BICRAL: variants seen among roughly 807,000 people sequenced by gnomAD.
BICRAL encodes BICRA like chromatin remodeling complex associated protein.
In BICRAL, 8 loss-of-function variants were observed where a neutral mutation model predicts 91.8. That is an observed-to-expected ratio of 0.09 (90% confidence interval 0.05 to 0.16). The LOEUF is 0.16. BICRAL is among the 10% of genes least tolerant of loss of function. The pLI, the probability that BICRAL is intolerant of heterozygous loss-of-function variation, is 1.00. For synonymous variants in BICRAL, 445 were observed against 491.1 expected (o/e 0.91, Z 1.24); for missense variants, 1,038 against 1,310.9 (o/e 0.79, Z 3.21).
At chr6:42,814,530 T>A (rs1424439846) in intron 2 of BICRAL, among the ~76,000 whole-genome samples, 276 of 136,422 alleles carry the variant, frequency 2.0e-3, no homozygotes, top group African/African-American at 5.0e-3. Context: ...TTTTTTTTTT[T>A]TTTTTTTTTT....
chr6:42,828,868 A>G lies in BICRAL; in HGVS notation c.535A>G (p.Ser179Gly). ...TGTGCCTGTTGGAGCATCGTTTGCA[A>G]GCAATACAGTGGGTGTACAACATGG... ...THVPVGASFA[S>G]NTVGVQHGFM... The change falls in exon 6 of 13, where the codon AGC (serine) becomes GGC (glycine). Residue 179 changes from serine (S) to glycine (G), a missense_variant. By Grantham distance (56) the Ser-to-Gly change is moderately conservative. Around this residue, in one of 5 missense-constraint regions of BICRAL, gnomAD observed 532 missense variants for 724.9 expected, o/e 0.73. Transcript: ENST00000314073. 6.2e-7 allele frequency: 1 copy of G among 1,614,230 alleles called. No individual in the cohort carries two copies. Among genetic ancestry groups the G allele is most frequent in the Non-Finnish European group, 8.5e-7 (1 of 1,180,046 alleles).
At chr6:42,756,804 C>T (rs567847984) in intron 1 of BICRAL, among the ~76,000 whole-genome samples, 1 of 152,074 alleles carries the variant, frequency 6.6e-6, no homozygotes, top group African/African-American at 2.4e-5. Flanking sequence ...GGCCTTGGTG[C>T]TGGCTGTGGG....
chr6:42,749,512 T>C (rs1481788576), intron 1 of BICRAL, among the ~76,000 whole-genome samples: 2 of 152,144 alleles, frequency 1.3e-5, no homozygotes, highest in African/African-American at 4.8e-5. Context: ...ATTGTACATT[T>C]CAAAATAGCT....
chr6:42,766,689 A>C (rs1762637300), intron 1 of BICRAL, among the ~76,000 whole-genome samples: 2 of 152,114 alleles, frequency 1.3e-5, no homozygotes, highest in African/African-American at 4.8e-5. Context: ...AAATACAAAA[A>C]TTAGCTGGGT....
intron 10 of BICRAL, among the ~76,000 whole-genome samples, chr6:42,857,899 C>T (rs967312732): frequency 4.7e-5 from 7 of 147,490 alleles, no homozygotes; most frequent in African/African-American, 1.8e-4. Context: ...CCTCTGCCTC[C>T]CAGGTTCAAG....
chr6:42,834,958 T>C (rs570676903), intron 6 of BICRAL, among the ~76,000 whole-genome samples: 42 of 152,308 alleles, frequency 2.8e-4, no homozygotes, highest in African/African-American at 8.7e-4. Flanking sequence ...TTGGAAAATA[T>C]GTATATTTAT....
At chr6:42,775,205 G>A (rs998506694) in intron 1 of BICRAL, among the ~76,000 whole-genome samples, 2 of 152,184 alleles carry the variant, frequency 1.3e-5, no homozygotes, top group Non-Finnish European at 2.9e-5. Context: ...AAAGTGCTGG[G>A]ATCACAGGCG....
intron 6 of BICRAL, among the ~76,000 whole-genome samples, chr6:42,842,433 C>G (rs1184382885): frequency 6.6e-6 from 1 of 152,156 alleles, no homozygotes; most frequent in Non-Finnish European, 1.5e-5. Context: ...TTCTCATTCC[C>G]ACGGGAGAAA....
intron 5 of BICRAL, among the ~76,000 whole-genome samples, chr6:42,827,138 G>T (rs1011740399): frequency 6.6e-6 from 1 of 152,150 alleles, no homozygotes; most frequent in Non-Finnish European, 1.5e-5. Context: ...TCAGAGGGTG[G>T]TTAACATTAG....
chr6:42,839,633 T>C (rs1764730569), intron 6 of BICRAL, among the ~76,000 whole-genome samples: 1 of 152,206 alleles, frequency 6.6e-6, no homozygotes, highest in Non-Finnish European at 1.5e-5. Context: ...TCACCCATCA[T>C]ATCAGTTTAT....
At chr6:42,853,608 G>T in intron 7 of BICRAL, 30 bp from the exon 8 acceptor site, 1 of 1,519,324 alleles carries the variant, frequency 6.6e-7, no homozygotes, top group South Asian at 1.1e-5. Flanking sequence ...TGTTTCTTTT[G>T]AACACTGTCT....
chr6:42,779,774 C>T (rs1047692343), upstream of BICRAL, among the ~76,000 whole-genome samples: 4 of 152,170 alleles, frequency 2.6e-5, no homozygotes, highest in Non-Finnish European at 5.9e-5. Context: ...GTGCATGCCA[C>T]CATGCCCGGC....
At chr6:42,781,471 G>C (rs1762902778), upstream of BICRAL, among the ~76,000 whole-genome samples, 1 of 151,606 alleles carries the variant, frequency 6.6e-6, no homozygotes, top group East Asian at 1.9e-4. Flanking sequence ...TTTTTAAAAA[G>C]CATATGCAAA....
intron 2 of BICRAL, among the ~76,000 whole-genome samples, chr6:42,813,603 T>C (rs1186536939): frequency 6.6e-6 from 1 of 152,106 alleles, no homozygotes; most frequent in African/African-American, 2.4e-5. Flanking sequence ...CACTGCAGCC[T>C]CAACCTCCCC....
At chr6:42,767,246 G>T (rs1762650102) in intron 1 of BICRAL, among the ~76,000 whole-genome samples, 1 of 152,032 alleles carries the variant, frequency 6.6e-6, no homozygotes, top group South Asian at 2.1e-4. Context: ...GTGTGGATTT[G>T]TCTGTTTGCT....
upstream of BICRAL, among the ~76,000 whole-genome samples, chr6:42,746,774 G>A (rs1270681753): frequency 6.6e-6 from 1 of 152,094 alleles, no homozygotes; most frequent in Non-Finnish European, 1.5e-5. Context: ...GATCCCCGCA[G>A]GCAGTTACTA....
At chr6:42,779,350 C>T (rs981995071), upstream of BICRAL, among the ~76,000 whole-genome samples, 2 of 151,922 alleles carry the variant, frequency 1.3e-5, no homozygotes, top group African/African-American at 4.8e-5. Context: ...TATATGGACT[C>T]TTGAAATGTA....
rs1310800790 is a variant in BICRAL at position 42,829,140 on chromosome 6, T to C, written c.807T>C (p.Ser269=). 6.2e-7 allele frequency: 1 copy of C among 1,613,632 alleles called. No homozygotes were observed. Among genetic ancestry groups the C allele is most frequent in the Non-Finnish European group, 8.5e-7 (1 of 1,179,654 alleles). ...TPNGNSLFGN[S]SSSPVAQPVT... ...ATGGCAACTCCTTGTTTGGGAACTC[T>C]AGTTCCAGTCCAGTAGCACAGCCTG... The change falls in exon 6 of 13, where the codon TCT becomes TCC. Residue 269 remains serine (S), a synonymous_variant. Transcript: ENST00000314073.
At chr6:42,847,301 A>C (rs1380262003) in intron 6 of BICRAL, among the ~76,000 whole-genome samples, 1 of 152,162 alleles carries the variant, frequency 6.6e-6, no homozygotes, top group Non-Finnish European at 1.5e-5. Flanking sequence ...AAAAAGCATA[A>C]ATTAGCTGTA....
Sources: allele counts gnomAD v4.1 joint callset (sites outside exome capture counted in the v4.1 genomes callset), GRCh38; gene constraint gnomAD v4.1.1; regional missense constraint gnomAD v4.1.1; transcripts MANE v1.5; gene names NCBI Gene and HGNC (gene_info 2026-07-23, HGNC 2026-07-21).